The following KIRREL1 variants were observed in gnomAD, a reference collection of about 807,000 sequenced individuals.
KIRREL1 encodes kirre like nephrin family adhesion molecule 1.
KIRREL1 carries 25 observed loss-of-function variants against 83.3 expected under a neutral mutation model. The observed-to-expected ratio is 0.30, with a 90% confidence interval of 0.22 to 0.42. KIRREL1 has a LOEUF of 0.42. KIRREL1 is among the 10% of genes least tolerant of loss of function. The pLI, the probability that KIRREL1 is intolerant of heterozygous loss-of-function variation, is 1.00. For missense variants in KIRREL1, 812 were observed against 1,032.3 expected (o/e 0.79, Z 2.92); for synonymous variants, 388 against 410.4 (o/e 0.95, Z 0.66).
intron 1 of KIRREL1, among the ~76,000 whole-genome samples, chr1:158,024,532 G>A (rs373117687): frequency 6.6e-6 from 1 of 151,916 alleles, no homozygotes; most frequent in Admixed American, 6.6e-5. Flanking sequence ...ACCCACCTCC[G>A]CCTCCCAAAG....
chr1:158,018,843 C>T (rs1407027690), intron 1 of KIRREL1, among the ~76,000 whole-genome samples: 1 of 152,180 alleles, frequency 6.6e-6, no homozygotes, highest in Admixed American at 6.5e-5. Flanking sequence ...TGGTATCCAG[C>T]CATCGATTGA....
intron 1 of KIRREL1, among the ~76,000 whole-genome samples, chr1:158,004,424 G>T (rs912722726): frequency 6.6e-6 from 1 of 152,106 alleles, no homozygotes; most frequent in Admixed American, 6.5e-5. Context: ...CTGTTCTCTG[G>T]GGTTCAGTGC....
chr1:158,043,259 C>T (rs1197520576), intron 1 of KIRREL1, among the ~76,000 whole-genome samples: 3 of 152,106 alleles, frequency 2.0e-5, no homozygotes, highest in Non-Finnish European at 4.4e-5. Context: ...TGGAAAGCTC[C>T]TGAAAACTGA....
intron 1 of KIRREL1, among the ~76,000 whole-genome samples, chr1:158,013,177 TAG>T (rs1302095540): frequency 6.6e-6 from 1 of 152,134 alleles, no homozygotes; most frequent in African/African-American, 2.4e-5. Context: ...CCATAAAATT[TAG>T]AGAGAGAGGT....
chr1:157,993,750 C>G (rs1010447132), intron 1 of KIRREL1, 22 bp downstream of exon 1: 37 of 1,464,524 alleles, frequency 2.5e-5, no homozygotes, highest in Admixed American at 9.8e-5. Flanking sequence ...CAGCCCACCC[C>G]CGGACGCTCG....
intron 1 of KIRREL1, among the ~76,000 whole-genome samples, chr1:158,029,407 A>G (rs1344412885): frequency 7.0e-6 from 1 of 143,160 alleles, no homozygotes; most frequent in Non-Finnish European, 1.5e-5. Context: ...ATGTGCATAT[A>G]TGCACGTATG....
intron 1 of KIRREL1, 34 bp from the exon 2 acceptor site, chr1:158,076,079 C>T: frequency 1.2e-6 from 2 of 1,602,424 alleles, no homozygotes; most frequent in Non-Finnish European, 1.7e-6. Flanking sequence ...CCTCTCCTTA[C>T]TCATCTTACC....
chr1:158,060,415 G>A (rs1037225884), intron 1 of KIRREL1, among the ~76,000 whole-genome samples: 1 of 152,020 alleles, frequency 6.6e-6, no homozygotes, highest in Non-Finnish European at 1.5e-5. Flanking sequence ...TTTCATGCAT[G>A]GGACCCTTCT....
At position 158,096,117 on chromosome 1, in the gene KIRREL1, C is replaced by T. The variant is rs1035852738; in HGVS notation, c.*997C>T. The T allele has an allele frequency of 6.4e-6, 1 of 156,790 alleles. No individual in the cohort carries two copies. The highest frequency in any genetic ancestry group is 1.4e-5 in the Non-Finnish European group (1 of 70,902). 9.7% of individuals were successfully genotyped at this position (156,790 alleles called of 1,614,324 possible). On this transcript the variant is annotated 3_prime_UTR_variant, in exon 15 of 15. Coordinates refer to ENST00000359209, the MANE Select transcript of KIRREL1 (RefSeq NM_018240.7). ...CTGTAGGGATTCCCCCACCCAAATA[C>T]AAGTCCCAGTGGAAAGGAAAGGTAG...
At chr1:158,007,001 G>A (rs1222013145) in intron 1 of KIRREL1, among the ~76,000 whole-genome samples, 1 of 152,196 alleles carries the variant, frequency 6.6e-6, no homozygotes, top group Non-Finnish European at 1.5e-5. Context: ...AGGGGATGGG[G>A]TCTGTGGGAT....
At chr1:158,019,875 C>A (rs1461581124) in intron 1 of KIRREL1, among the ~76,000 whole-genome samples, 1 of 152,046 alleles carries the variant, frequency 6.6e-6, no homozygotes, top group Non-Finnish European at 1.5e-5. Context: ...ACACCCCCGA[C>A]CCCGGTAAAG....
At chr1:158,044,671 G>C (rs376986178) in intron 1 of KIRREL1, among the ~76,000 whole-genome samples, 2 of 152,042 alleles carry the variant, frequency 1.3e-5, no homozygotes, top group East Asian at 1.9e-4. Context: ...GCTAATTTTC[G>C]CATTTTTAGT....
At position 158,076,160 on chromosome 1, in the gene KIRREL1, G is replaced by C; in HGVS notation, c.100G>C (p.Ala34Pro). 1 of 1,614,156 alleles carries C rather than the reference G, an allele frequency of 6.2e-7. No individual in the cohort carries two copies. Among genetic ancestry groups the C allele is most frequent in the Non-Finnish European group, 8.5e-7 (1 of 1,180,020 alleles). Reference protein sequence around the residue: ...SQEPADQTVVAGQRAVLPCVL... With the variant: ...SQEPADQTVVPGQRAVLPCVL... ...GGAGCCAGCTGACCAGACGGTGGTG[G>C]CTGGACAGCGGGCCGTGCTCCCCTG... is the stretch of plus-strand genomic sequence containing the variant. Residue 34 changes from alanine to proline, a missense_variant, in exon 2 of 15, where the codon GCT (alanine) becomes CCT (proline). Physicochemically the swap from Ala to Pro is conservative, Grantham distance 27. Around this residue, in one of 3 missense-constraint regions of KIRREL1, gnomAD observed 472 missense variants for 626.8 expected, o/e 0.75. Transcript: ENST00000359209.
intron 1 of KIRREL1, among the ~76,000 whole-genome samples, chr1:158,060,876 A>T (rs1341942677): frequency 1.3e-5 from 2 of 152,142 alleles, no homozygotes; most frequent in African/African-American, 4.8e-5. Flanking sequence ...TTTAGGGCAC[A>T]TTTAGGGGGT....
intron 1 of KIRREL1, among the ~76,000 whole-genome samples, chr1:158,002,792 C>T (rs987394103): frequency 2.0e-5 from 3 of 152,046 alleles, no homozygotes; most frequent in African/African-American, 4.8e-5. Flanking sequence ...TCAGGGGCTG[C>T]GGGGCCTCTG....
At chr1:157,993,782 A>T in intron 1 of KIRREL1, 54 bp downstream of exon 1, 2 of 1,248,730 alleles carry the variant, frequency 1.6e-6, no homozygotes, top group South Asian at 1.6e-5. Context: ...GGGCCGGGGC[A>T]CTGCTTCCCC....
chr1:158,075,505 T>C (rs1436680519), intron 1 of KIRREL1, among the ~76,000 whole-genome samples: 1 of 152,164 alleles, frequency 6.6e-6, no homozygotes, highest in East Asian at 1.9e-4. Context: ...TGGATACACT[T>C]TCCACCCAGG....
chr1:158,082,699 G>A (rs1661898775), intron 3 of KIRREL1, among the ~76,000 whole-genome samples: 1 of 152,176 alleles, frequency 6.6e-6, no homozygotes, highest in Non-Finnish European at 1.5e-5. Context: ...GGAGCACGCT[G>A]GCTCATGCTT....
chr1:158,092,833 C>G (rs1374912640), intron 11 of KIRREL1, among the ~76,000 whole-genome samples: 1 of 152,178 alleles, frequency 6.6e-6, no homozygotes, highest in Admixed American at 6.5e-5. Context: ...TGAGCTCTTC[C>G]TCAGCTCTGG....
Sources: gnomAD v4.1 joint callset for allele counts (sites outside exome capture counted in the v4.1 genomes callset) on GRCh38, gnomAD v4.1.1 for gene constraint, gnomAD v4.1.1 regional missense constraint, MANE v1.5 for transcripts, NCBI Gene and HGNC (gene_info 2026-07-23, HGNC 2026-07-21) for gene names.